Variants in CREBBP observed in about 807,000 individuals in gnomAD.
CREBBP encodes CREB-binding protein.
A neutral mutation model predicts 265.0 loss-of-function variants in CREBBP; 19 were observed. The observed-to-expected ratio is 0.07, with a 90% CI of 0.05 to 0.11. The LOEUF is 0.11. CREBBP is among the 10% of genes least tolerant of loss of function. CREBBP has a pLI of 1.00. For synonymous variants in CREBBP, 1,457 were observed against 1,223.7 expected (o/e 1.19, Z -3.98); for missense variants, 2,525 against 3,219.0 (o/e 0.78, Z 5.22).
chr16:3,757,460 A>G, intron 18 of CREBBP, 84 bp from the exon 19 acceptor site: 1 of 1,163,134 alleles, frequency 8.6e-7, no homozygotes, highest in Non-Finnish European at 1.3e-6. Context: ...TATAGAGACT[A>G]GTAAATTATT....
chr16:3,736,090 T>C lies in CREBBP; in HGVS notation c.4674A>G (p.Gln1558=), dbSNP rs770241645. 8 of 1,614,238 alleles carry C rather than the reference T, an allele frequency of 5.0e-6. No individual in the cohort carries two copies. In the Admixed American group the frequency reaches 1.3e-4, roughly 27 times the overall value. Residue 1558 remains glutamine, a synonymous_variant, in exon 28 of 31, where the codon CAA becomes CAG. Coordinates refer to ENST00000262367, the MANE Select transcript of CREBBP (RefSeq NM_004380.3). The stretch of plus-strand genomic sequence containing the variant: ...CTTCCTTTTTCCTCTCCTCTTCTTC[T>C]TGTTCTAGTTCCTTAATGCTCTCTT... ...VLEESIKELE[Q]EEEERKKEES...
Position 3,755,846 on chromosome 16 carries a change from G to A in CREBBP, c.3698+1442C>T, listed in dbSNP as rs1388225407. On this transcript the variant is annotated intron_variant, in intron 19 of 30. Coordinates refer to ENST00000262367, the MANE Select transcript of CREBBP (RefSeq NM_004380.3). ...CACTTCTAGCAGGGATGCAGTTTAGGGTCTGTCCTTCCCCCTTGCACCAGT... is the reference window on the plus strand; with the variant it reads ...CACTTCTAGCAGGGATGCAGTTTAGAGTCTGTCCTTCCCCCTTGCACCAGT... 2.0e-5 allele frequency among the ~76,000 whole-genome samples: 3 copies of A among 152,086 alleles called. No homozygotes were observed. In the South Asian group the frequency reaches 6.2e-4, roughly 32 times the overall value.
chr16:3,729,952 C>T lies in CREBBP; in HGVS notation c.5173-78G>A, dbSNP rs773183664. 509 of 1,567,824 alleles carry T rather than the reference C, an allele frequency of 3.2e-4. 5 individuals carry two copies. The highest frequency in any genetic ancestry group is 7.0e-4 in the South Asian group (61 of 87,250). On this transcript the variant is annotated intron_variant, in intron 30 of 30. Coordinates refer to ENST00000262367, the MANE Select transcript of CREBBP (RefSeq NM_004380.3). ...CAGGCATCCTGGCTGCTTCCCTCCA[C>T]CGCTAAGTCTGGGTCTGTGCCAGGA...
At chr16:3,818,303 CT>C (rs71133660) in intron 2 of CREBBP, among the ~76,000 whole-genome samples, 4,695 of 106,432 alleles carry the variant, frequency 0.044, 159 homozygotes, top group African/African-American at 0.15. Flanking sequence ...GTTTTCTTTT[CT>C]TTTTTTTTTT....
chr16:3,727,852 G>T lies in CREBBP; in HGVS notation c.7195C>A (p.His2399Asn), dbSNP rs369215519. 6.2e-7 allele frequency: 1 copy of T among 1,614,116 alleles called. No individual in the cohort carries two copies. Among genetic ancestry groups the T allele is most frequent in the South Asian group, 1.1e-5 (1 of 91,074 alleles). The change falls in exon 31 of 31, where the codon CAC (histidine) becomes AAC (asparagine). Residue 2399 changes from histidine to asparagine, a missense_variant. Coordinates refer to ENST00000262367, the MANE Select transcript of CREBBP (RefSeq NM_004380.3). ...GCACTCTGTTCGGGGTTCCCCAAGTGTCCCTGATCTATGGAGCTGGCCATG... is the reference window on the plus strand; with the variant it reads ...GCACTCTGTTCGGGGTTCCCCAAGTTTCCCTGATCTATGGAGCTGGCCATG... ...VTMASSIDQG[H>N]LGNPEQSAML...
chr16:3,767,821 T>C lies in CREBBP; in HGVS notation c.3149A>G (p.Glu1050Gly), dbSNP rs765578870. ...EQKSEPMEVD[E>G]KKPEVKVEVK... ...TTCTACTTTCACTTCAGGTTTCTTT[T>C]CATCCACTTCCATTGGTTCTGATTT... The change falls in exon 16 of 31, where the codon GAA becomes GGA. Residue 1050 changes from glutamate (E) to glycine (G), a missense_variant. Glu to Gly is a moderately conservative substitution (Grantham distance 98, BLOSUM62 -2). Transcript: ENST00000262367. 8 of 1,614,126 alleles carry C rather than the reference T, an allele frequency of 5.0e-6. No homozygotes were observed. The highest frequency in any genetic ancestry group is 2.5e-6 in the Non-Finnish European group (3 of 1,180,040).
At chr16:3,813,457 T>G (rs972201264) in intron 2 of CREBBP, among the ~76,000 whole-genome samples, 7 of 152,218 alleles carry the variant, frequency 4.6e-5, no homozygotes, top group African/African-American at 1.7e-4. Context: ...AATTTATATT[T>G]TCAGAAACCA....
chr16:3,781,092 C>T (rs2053263716), intron 7 of CREBBP, 112 bp downstream of exon 7: 1 of 1,116,920 alleles, frequency 9.0e-7, no homozygotes. Flanking sequence ...TCACCCCTCA[C>T]CACCCCATTT....
chr16:3,756,780 C>T (rs560886197), intron 19 of CREBBP, among the ~76,000 whole-genome samples: 3 of 152,186 alleles, frequency 2.0e-5, no homozygotes, highest in African/African-American at 7.2e-5. Context: ...GTAAAATCCA[C>T]ATTTTCTACT....
intron 23 of CREBBP, chr16:3,743,643 G>A (rs1021161495): frequency 1.3e-5 from 2 of 152,240 alleles, no homozygotes; most frequent in African/African-American, 4.8e-5. Context: ...TGCAGTTGCC[G>A]TTCTTGTGTG....
chr16:3,863,324 C>T (rs142820017), intron 1 of CREBBP, among the ~76,000 whole-genome samples: 6 of 152,264 alleles, frequency 3.9e-5, no homozygotes, highest in Non-Finnish European at 8.8e-5. Flanking sequence ...AAGACAGGGC[C>T]AGGCACAGTA....
chr16:3,802,271 AC>A (rs2053732661), intron 3 of CREBBP, among the ~76,000 whole-genome samples: 2 of 151,702 alleles, frequency 1.3e-5, no homozygotes, highest in Admixed American at 1.3e-4. Flanking sequence ...AGCTGGACTT[AC>A]AGACGTGTGC....
chr16:3,742,954 A>G (rs1156239650), intron 23 of CREBBP: 2 of 152,138 alleles, frequency 1.3e-5, no homozygotes, highest in Admixed American at 6.6e-5. Flanking sequence ...CTTTCAGGCA[A>G]TGACTGTTCT....
intron 19 of CREBBP, among the ~76,000 whole-genome samples, chr16:3,755,766 T>C (rs749408849): frequency 1.1e-4 from 17 of 152,166 alleles, no homozygotes; most frequent in Non-Finnish European, 1.9e-4. Context: ...GAAGTTGAGA[T>C]GGAAATCAGA....
intron 3 of CREBBP, among the ~76,000 whole-genome samples, chr16:3,802,638 G>T (rs1406670250): frequency 6.6e-6 from 1 of 152,036 alleles, no homozygotes; most frequent in African/African-American, 2.4e-5. Context: ...TTTTTACTGT[G>T]TGTCCAAGAG....
chr16:3,855,300 G>A (rs890484801), intron 1 of CREBBP, among the ~76,000 whole-genome samples: 11 of 152,300 alleles, frequency 7.2e-5, no homozygotes, highest in African/African-American at 2.6e-4. Flanking sequence ...GTCTTGCTCT[G>A]TTGCCCACGC....
intron 3 of CREBBP, among the ~76,000 whole-genome samples, chr16:3,804,785 A>C (rs897711627): frequency 3.3e-5 from 5 of 152,236 alleles, no homozygotes; most frequent in Admixed American, 2.0e-4. Context: ...AAAACAAAAA[A>C]AACCTTCTGG....
chr16:3,763,759 C>T (rs929545609), intron 16 of CREBBP, among the ~76,000 whole-genome samples: 9 of 152,130 alleles, frequency 5.9e-5, no homozygotes, highest in Non-Finnish European at 1.3e-4. Flanking sequence ...CCACTGCGCC[C>T]GGCCTGAAAC....
chr16:3,751,766 C>T lies in CREBBP; in HGVS notation c.3739G>A (p.Glu1247Lys), dbSNP rs1567282647. 3.1e-6 allele frequency: 5 copies of T among 1,614,160 alleles called. No individual in the cohort carries two copies. Among genetic ancestry groups the T allele is most frequent in the Non-Finnish European group, 4.2e-6 (5 of 1,180,032 alleles). The change falls in exon 20 of 31, where the codon GAG becomes AAG. Residue 1247 changes from glutamate to lysine, a missense_variant. Transcript: ENST00000262367. ...GGGTCGTCACCCAGGGTCACATTCT[C>T]GCCCTGGATCTCTGTGAAACACTTC... Reference protein sequence around the residue: ...CEKCFTEIQGENVTLGDDPSQ... With the variant: ...CEKCFTEIQGKNVTLGDDPSQ...
Sources: gnomAD v4.1 joint callset for allele counts (sites outside exome capture counted in the v4.1 genomes callset) on GRCh38, gnomAD v4.1.1 for gene constraint, MANE v1.5 for transcripts, NCBI Gene and HGNC (gene_info 2026-07-23, HGNC 2026-07-21) for gene names.